The following TREX1 variants were observed in gnomAD, a reference collection of about 807,000 sequenced individuals.
TREX1 encodes the protein three-prime repair exonuclease 1.
TREX1 carries 11 observed loss-of-function variants against 13.7 expected under a neutral mutation model. The observed-to-expected ratio is 0.80, with a 90% confidence interval of 0.51 to 1.33. TREX1 has a LOEUF of 1.33. Ranked by LOEUF, TREX1 falls within the 40% of genes most tolerant of loss-of-function variation. The pLI is 0.00. For synonymous variants in TREX1, 178 were observed against 178.8 expected, an observed-to-expected ratio of 1.00 and a Z score of 0.03; for missense variants, 409 against 404.4, an observed-to-expected ratio of 1.01 and a Z score of -0.10.
chr3:48,466,421 C>G (rs2040298814), intron 1 of TREX1, 112 bp downstream of exon 1: 2 of 1,607,840 alleles, frequency 1.2e-6, no homozygotes, highest in Non-Finnish European at 1.7e-6. Context: ...GAGGGAGACC[C>G]TCTCAGACAG....
chr3:48,466,797 C>G lies in TREX1; in HGVS notation c.142C>G (p.Pro48Ala). The G allele has an allele frequency of 6.2e-7, 1 of 1,613,954 alleles. No homozygotes were observed. Among genetic ancestry groups the G allele is most frequent in the Non-Finnish European group, 8.5e-7 (1 of 1,180,028 alleles). The change falls in exon 2 of 2, where the codon CCC becomes GCC. Residue 48 changes from proline (P) to alanine (A), a missense_variant. Transcript: ENST00000625293. ...AVHRCALESP[P>A]TSQGPPPTVP... Reference sequence around the variant, plus strand: ...CCACAGATGTGCCCTGGAGAGCCCCCCCACCTCTCAGGGGCCACCTCCCAC... The same window carrying G: ...CCACAGATGTGCCCTGGAGAGCCCCGCCACCTCTCAGGGGCCACCTCCCAC...
chr3:48,466,951 G>A lies in TREX1; in HGVS notation c.296G>A (p.Cys99Tyr), dbSNP rs778869156. The A allele has an allele frequency of 2.0e-5, 33 of 1,611,854 alleles. 1 individual carries two copies. The highest frequency in any genetic ancestry group is 2.2e-5 in the South Asian group (2 of 91,092). Residue 99 changes from cysteine to tyrosine, a missense_variant, in exon 2 of 2, where the codon TGT becomes TAT. Physicochemically the swap from Cys to Tyr is radical, Grantham distance 194. Coordinates refer to ENST00000625293, the MANE Select transcript of TREX1 (RefSeq NM_033629.6). ...TAVLAAHGRQ[C>Y]FDDNLANLLL... is the part of the protein sequence containing the mutation. ...GTGCTGGCAGCGCATGGGCGTCAAT[G>A]TTTTGATGACAACCTGGCCAACCTG...
rs772753856 is a variant in TREX1, at chr3:48,466,731, T to G, written c.76T>G (p.Phe26Val). The G allele has an allele frequency of 1.2e-6, 2 of 1,613,974 alleles. No individual in the cohort carries two copies. Among genetic ancestry groups the G allele is most frequent in the South Asian group, 2.2e-5 (2 of 91,082 alleles). The change falls in exon 2 of 2, where the codon TTC becomes GTC. Residue 26 changes from phenylalanine to valine, a missense_variant. Physicochemically the swap from Phe to Val is conservative, Grantham distance 50. Coordinates refer to ENST00000625293, the MANE Select transcript of TREX1 (RefSeq NM_033629.6). ...CGACATGGAGGCCACTGGCTTGCCC[T>G]TCTCCCAGCCCAAGGTCACGGAGCT... ...FFDMEATGLP[F>V]SQPKVTELCL...
At chr3:48,466,398 C>T (rs1299881377) in intron 1 of TREX1, 89 bp downstream of exon 1, 12 of 1,571,920 alleles carry the variant, frequency 7.6e-6, no homozygotes, top group East Asian at 2.3e-5. Context: ...GGGGAGGGGC[C>T]GAGTCATGTG....
chr3:48,466,711 T>TG lies in TREX1; in HGVS notation c.58dup (p.Glu20GlyfsTer82), dbSNP rs78300695. 5.1e-5 allele frequency: 83 copies of TG among 1,614,058 alleles called. No homozygotes were observed. In the South Asian group the frequency reaches 8.9e-4, roughly 17 times the overall value. Reference sequence around the variant, plus strand: ...ATGCAGACCCTCATCTTTTTCGACATGGAGGCCACTGGCTTGCCCTTCTCC... The same window carrying TG: ...ATGCAGACCCTCATCTTTTTCGACATGGGAGGCCACTGGCTTGCCCTTCTCC... On this transcript the variant is annotated frameshift_variant, in exon 2 of 2. Transcript: ENST00000625293. LOFTEE classifies it high-confidence loss of function.
rs201954133 is a variant in TREX1, at chr3:48,467,245, C to T, written c.590C>T (p.Ala197Val). 1.2e-5 allele frequency: 19 copies of T among 1,614,110 alleles called. No individual in the cohort carries two copies. In the Admixed American group the frequency reaches 3.0e-4, roughly 25 times the overall value. The change falls in exon 2 of 2, where the codon GCT (alanine) becomes GTT (valine). Residue 197 changes from alanine (A) to valine (V), a missense_variant. Transcript: ENST00000625293. Reference protein sequence around the residue: ...YGQSPPDSHTAEGDVLALLSI... With the variant: ...YGQSPPDSHTVEGDVLALLSI... ...CAGTCCCCTCCAGACTCGCACACGG[C>T]TGAGGGTGATGTCCTGGCCCTGCTC...
Position 48,466,796 on chromosome 3 carries a change from C to T in TREX1, c.141C>T (p.Pro47=). 1.2e-6 allele frequency: 2 copies of T among 1,613,962 alleles called. No individual in the cohort carries two copies. The highest frequency in any genetic ancestry group is 1.7e-6 in the Non-Finnish European group (2 of 1,180,034). ...LAVHRCALES[P]PTSQGPPPTV... ...TCCACAGATGTGCCCTGGAGAGCCC[C>T]CCCACCTCTCAGGGGCCACCTCCCA... The change falls in exon 2 of 2, where the codon CCC becomes CCT. Residue 47 remains proline (P), a synonymous_variant. Transcript: ENST00000625293.
At position 48,466,859 on chromosome 3, in the gene TREX1, C is replaced by A; in HGVS notation, c.204C>A (p.Ser68=). 1 of 1,613,800 alleles carries A rather than the reference C, an allele frequency of 6.2e-7. No homozygotes were observed. Among genetic ancestry groups the A allele is most frequent in the Non-Finnish European group, 8.5e-7 (1 of 1,180,036 alleles). The change falls in exon 2 of 2, where the codon TCC becomes TCA. Residue 68 remains serine (S), a synonymous_variant. Coordinates refer to ENST00000625293, the MANE Select transcript of TREX1 (RefSeq NM_033629.6). ...PPPPRVVDKL[S]LCVAPGKACS... ...CACCGCGTGTGGTAGACAAGCTCTC[C>A]CTGTGTGTGGCTCCGGGGAAGGCCT...
Position 48,467,580 on chromosome 3 carries a change from C to G in TREX1, c.925C>G (p.Leu309Val), listed in dbSNP as rs747630356. Residue 309 changes from leucine to valine, a missense_variant, in exon 2 of 2, where the codon CTG becomes GTG. Physicochemically the swap from Leu to Val is conservative, Grantham distance 32. Transcript: ENST00000625293. The part of the protein sequence containing the change: ...LAVATLYGLS[L>V]ATPGE ...AGTAGCCACACTGTATGGACTATCCCTGGCCACACCTGGGGAGTAGGCCAA... is the reference window on the plus strand; with the variant it reads ...AGTAGCCACACTGTATGGACTATCCGTGGCCACACCTGGGGAGTAGGCCAA... 6.2e-7 allele frequency: 1 copy of G among 1,612,756 alleles called. No individual in the cohort carries two copies. The highest frequency in any genetic ancestry group is 2.2e-5 in the East Asian group (1 of 44,856).
chr3:48,467,163 G>A lies in TREX1; in HGVS notation c.508G>A (p.Glu170Lys), dbSNP rs768724007. 8 of 1,614,070 alleles carry A rather than the reference G, an allele frequency of 5.0e-6. No homozygotes were observed. Among genetic ancestry groups the A allele is most frequent in the Non-Finnish European group, 6.8e-6 (8 of 1,180,028 alleles). ...KALERASSPS[E>K]HGPRKSYSLG... The stretch of plus-strand genomic sequence containing the variant: ...CCTGGAGCGAGCAAGCAGCCCCTCA[G>A]AACACGGCCCAAGGAAGAGCTATAG... The change falls in exon 2 of 2, where the codon GAA becomes AAA. Residue 170 changes from glutamate to lysine, a missense_variant. Transcript: ENST00000625293.
Position 48,467,459 on chromosome 3 carries a change from G to A in TREX1, c.804G>A (p.Arg268=). 1 of 1,614,172 alleles carries A rather than the reference G, an allele frequency of 6.2e-7. No individual in the cohort carries two copies. Among genetic ancestry groups the A allele is most frequent in the Non-Finnish European group, 8.5e-7 (1 of 1,180,024 alleles). ...RNTSPSLGES[R]GTKDLPPVKD... ...CTAGTCCCAGCCTTGGAGAGAGCAG[G>A]GGTACCAAGGATCTTCCTCCAGTGA... The change falls in exon 2 of 2, where the codon AGG becomes AGA. Residue 268 remains arginine, a synonymous_variant. Coordinates refer to ENST00000625293, the MANE Select transcript of TREX1 (RefSeq NM_033629.6).
At chr3:48,466,130 G>A (rs886058622), upstream of TREX1, 12 of 420,378 alleles carry the variant, frequency 2.9e-5, no homozygotes, top group African/African-American at 4.1e-5. Context: ...GAGTGGGTGT[G>A]GGGGGGAACG....
At chr3:48,466,130 G>C (rs886058622), upstream of TREX1, 16 of 420,378 alleles carry the variant, frequency 3.8e-5, no homozygotes, top group Admixed American at 2.5e-4. Flanking sequence ...GAGTGGGTGT[G>C]GGGGGGAACG....
intron 1 of TREX1, 153 bp from the exon 2 acceptor site, chr3:48,466,477 C>T: frequency 6.2e-7 from 1 of 1,613,934 alleles, no homozygotes; most frequent in Non-Finnish European, 8.5e-7. Flanking sequence ...CCCTCTCCAA[C>T]TTCCTGCCTG....
At position 48,466,247 on chromosome 3, in the gene TREX1, C is replaced by T. The variant is rs923731891; in HGVS notation, c.-89C>T. On this transcript the variant is annotated 5_prime_UTR_variant, in exon 1 of 2. Transcript: ENST00000625293. ...CAAGTTTCACTTCCCGCCACTGCTGCCAGCGAGAGCCGCGGGAGAGTGTGC... is the reference window on the plus strand; with the variant it reads ...CAAGTTTCACTTCCCGCCACTGCTGTCAGCGAGAGCCGCGGGAGAGTGTGC... 3 of 606,518 alleles carry T rather than the reference C, an allele frequency of 4.9e-6. No homozygotes were observed. Among genetic ancestry groups the T allele is most frequent in the African/African-American group, 1.8e-5 (1 of 54,312 alleles). 37.6% of individuals were successfully genotyped at this position (606,518 alleles called of 1,614,324 possible). A position where few individuals can be genotyped will look rare whatever the true frequency, so the allele number is the denominator to read the frequency against.
chr3:48,467,126 T>G lies in TREX1; in HGVS notation c.471T>G (p.Thr157=), dbSNP rs751022472. The G allele has an allele frequency of 1.7e-5, 27 of 1,613,948 alleles. No individual in the cohort carries two copies. In the South Asian group the frequency reaches 2.2e-4, roughly 13 times the overall value. The change falls in exon 2 of 2, where the codon ACT becomes ACG. Residue 157 remains threonine (T), a synonymous_variant. Coordinates refer to ENST00000625293, the MANE Select transcript of TREX1 (RefSeq NM_033629.6). ...LDGAFCVDSI[T]ALKALERASS... The stretch of plus-strand genomic sequence containing the variant: ...GTGCCTTCTGTGTGGATAGCATCAC[T>G]GCGCTGAAGGCCCTGGAGCGAGCAA...
Position 48,466,993 on chromosome 3 carries a change from G to T in TREX1, c.338G>T (p.Arg113Leu). 6.2e-7 allele frequency: 1 copy of T among 1,613,378 alleles called. No individual in the cohort carries two copies. Among genetic ancestry groups the T allele is most frequent in the Non-Finnish European group, 8.5e-7 (1 of 1,180,020 alleles). The change falls in exon 2 of 2, where the codon CGG becomes CTG. Residue 113 changes from arginine (R) to leucine (L), a missense_variant. By Grantham distance (102) the Arg-to-Leu change is moderately radical. Transcript: ENST00000625293. ...NLANLLLAFL[R>L]RQPQPWCLVA... is the part of the protein sequence containing the mutation. ...GCCAACCTGCTCCTAGCCTTCCTGC[G>T]GCGCCAGCCACAGCCCTGGTGCCTG...
chr3:48,466,430 AGTCGAATGTGCTG>A, intron 1 of TREX1, 121 bp downstream of exon 1: 1 of 1,610,838 alleles, frequency 6.2e-7, no homozygotes, highest in Admixed American at 1.7e-5. Context: ...CCTCTCAGAC[AGTCGAATGTGCTG>A]GTCCCACTAA....
intron 1 of TREX1, 110 bp downstream of exon 1, chr3:48,466,419 C>A: frequency 6.2e-7 from 1 of 1,605,546 alleles, no homozygotes; most frequent in African/African-American, 1.3e-5. Context: ...AAGAGGGAGA[C>A]CCTCTCAGAC....
Sources: gnomAD v4.1 joint callset for allele counts on GRCh38, gnomAD v4.1.1 for gene constraint, MANE v1.5 for transcripts, NCBI Gene and HGNC (gene_info 2026-07-23, HGNC 2026-07-21) for gene names.